Variants in DIP2C observed in about 807,000 individuals in gnomAD.
DIP2C encodes the protein DIP2 acetate--CoA ligase C (putative), also known as disco-interacting protein 2 homolog C.
Under a neutral mutation model 192.4 loss-of-function variants are expected in DIP2C, and 33 were observed. That is an observed-to-expected ratio of 0.17 (90% CI 0.13 to 0.23). The LOEUF is 0.23. Among genes scored for constraint, DIP2C ranks in the 10% least tolerant of loss-of-function variants. The pLI, the probability that DIP2C is intolerant of heterozygous loss-of-function variation, is 1.00. For synonymous variants in DIP2C, 979 were observed against 864.1 expected, an observed-to-expected ratio of 1.13 and a Z score of -2.33; for missense variants, 1,537 against 2,110.1, an observed-to-expected ratio of 0.73 and a Z score of 5.32.
At chr10:677,493 T>C (rs1830916224) in intron 1 of DIP2C, among the ~76,000 whole-genome samples, 1 of 152,182 alleles carries the variant, frequency 6.6e-6, no homozygotes, top group East Asian at 1.9e-4. Flanking sequence ...AGAAAATGTG[T>C]TGAAAGCCTG....
chr10:484,237 T>C (rs1185705659), intron 2 of DIP2C, among the ~76,000 whole-genome samples: 1 of 152,274 alleles, frequency 6.6e-6, no homozygotes, highest in Non-Finnish European at 1.5e-5. Flanking sequence ...ATGAAATTCC[T>C]GTATTCAAAA....
intron 1 of DIP2C, among the ~76,000 whole-genome samples, chr10:577,041 G>A (rs1850207716): frequency 6.6e-6 from 1 of 152,164 alleles, no homozygotes. Flanking sequence ...TTACAATCTT[G>A]TATATCTTTC....
chr10:414,735 G>GTGTATATATATATATATATATATAA (rs1564679862), intron 7 of DIP2C, among the ~76,000 whole-genome samples: 13 of 53,078 alleles, frequency 2.4e-4, no homozygotes, highest in African/African-American at 8.7e-4. Context: ...GTGTGTGTGT[G>GTGTATATATATATATATATATATAA]TGTGTACATA....
Position 651,457 on chromosome 10 carries a change from A to G in DIP2C, c.85+38037T>C, listed in dbSNP as rs145650735. On this transcript the variant is annotated intron_variant, in intron 1 of 36. Transcript: ENST00000280886. The surrounding 1 kb of genome is among the most constrained non-coding windows in gnomAD (Gnocchi z 4.1). Reference sequence around the variant, plus strand: ...AGTCGTTAAGTAAAAATAGCAGAAGACTTAGTAGAATGTATGAGTAACAAT... The same window carrying G: ...AGTCGTTAAGTAAAAATAGCAGAAGGCTTAGTAGAATGTATGAGTAACAAT... The G allele has an allele frequency of 1.7e-5, 11 of 663,312 alleles. No individual in the cohort carries two copies. The highest frequency in any genetic ancestry group is 2.5e-5 in the Non-Finnish European group (9 of 360,596). 41.1% of individuals were successfully genotyped at this position (663,312 alleles called of 1,614,324 possible). A position where few individuals can be genotyped will look rare whatever the true frequency, so the allele number is the denominator to read the frequency against.
At chr10:469,441 G>A (rs999405120) in intron 3 of DIP2C, among the ~76,000 whole-genome samples, 2 of 151,556 alleles carry the variant, frequency 1.3e-5, no homozygotes, top group African/African-American at 4.9e-5. Context: ...CTCAGCCTCT[G>A]GAATAGCTGG....
chr10:379,600 T>C (rs75698248), intron 17 of DIP2C, among the ~76,000 whole-genome samples: 3,484 of 152,316 alleles, frequency 0.023, 135 homozygotes, highest in African/African-American at 0.079. Context: ...AGCTTCTGAT[T>C]TATCTACTTT....
intron 18 of DIP2C, among the ~76,000 whole-genome samples, chr10:367,530 C>T (rs975433084): frequency 1.3e-4 from 20 of 152,274 alleles, no homozygotes; most frequent in African/African-American, 4.6e-4. Flanking sequence ...GAAAGAAGTG[C>T]TGCTGCTTAC....
chr10:522,751 G>C (rs900319057), intron 1 of DIP2C, among the ~76,000 whole-genome samples: 3 of 152,218 alleles, frequency 2.0e-5, no homozygotes, highest in African/African-American at 7.2e-5. Flanking sequence ...TGGGTTTTGA[G>C]AGTTCCTTGC....
intron 2 of DIP2C, among the ~76,000 whole-genome samples, chr10:484,387 C>G (rs1187348963): frequency 1.3e-5 from 2 of 152,250 alleles, no homozygotes; most frequent in South Asian, 4.1e-4. Context: ...CTCCTTCTAG[C>G]AGATCTCAGA....
intron 1 of DIP2C, among the ~76,000 whole-genome samples, chr10:632,205 G>A (rs1396528988): frequency 2.6e-5 from 4 of 152,244 alleles, no homozygotes; most frequent in African/African-American, 9.6e-5. Context: ...CAGTTAAAAG[G>A]AAGAATTCGC....
intron 1 of DIP2C, among the ~76,000 whole-genome samples, chr10:547,273 T>C: frequency 6.6e-6 from 1 of 152,184 alleles, no homozygotes; most frequent in Non-Finnish European, 1.5e-5. Flanking sequence ...GGAGGGCTCC[T>C]GCAGCTCCAG....
chr10:341,054 A>T, intron 29 of DIP2C, 145 bp downstream of exon 29: 2 of 1,140,760 alleles, frequency 1.8e-6, no homozygotes, highest in Admixed American at 3.5e-5. Context: ...CACCAGGAGA[A>T]GTAGAGGGAC....
At chr10:486,961 A>C (rs1225145792) in intron 1 of DIP2C, among the ~76,000 whole-genome samples, 1 of 152,248 alleles carries the variant, frequency 6.6e-6, no homozygotes, top group African/African-American at 2.4e-5. Context: ...TTTCTAACCA[A>C]GCAGGTCGGT....
Position 685,158 on chromosome 10 carries a change from AAAAATATATATATATATATATATATATAC to A in DIP2C, c.85+4307_85+4335del, listed in dbSNP as rs1388940806. Among the ~76,000 whole-genome samples, 112 of 32,664 alleles carry A rather than the reference AAAAATATATATATATATATATATATATAC, an allele frequency of 3.4e-3. No homozygotes were observed. In the Admixed American group the frequency reaches 0.045, roughly 13 times the overall value. 21.4% of individuals were successfully genotyped at this position (32,664 alleles called of 152,430 possible). On this transcript the variant is annotated intron_variant, in intron 1 of 36. Coordinates refer to ENST00000280886, the MANE Select transcript of DIP2C (RefSeq NM_014974.3). ...CCCAAAAAAAAAAAAAAAAAAAAAA[AAAAATATATATATATATATATATATATAC>A]ATATATATATATATATATATAAACA...
chr10:674,172 G>A (rs888093543), intron 1 of DIP2C, among the ~76,000 whole-genome samples: 1 of 151,956 alleles, frequency 6.6e-6, no homozygotes, highest in African/African-American at 2.4e-5. Flanking sequence ...TGGCTGAGTG[G>A]ATTTAAAAAA....
Position 366,370 on chromosome 10 carries a change from A to C in DIP2C, c.2173T>G (p.Cys725Gly). 1 of 1,614,210 alleles carries C rather than the reference A, an allele frequency of 6.2e-7. No homozygotes were observed. Among genetic ancestry groups the C allele is most frequent in the Non-Finnish European group, 8.5e-7 (1 of 1,180,042 alleles). Reference sequence around the variant, plus strand: ...AGCTCCCCGATCTCATCCGTTCTGCACAGCTGAGGAACCCCGTCTGGCTTC... The same window carrying C: ...AGCTCCCCGATCTCATCCGTTCTGCCCAGCTGAGGAACCCCGTCTGGCTTC... ...SVKPDGVPQL[C>G]RTDEIGELCV... The change falls in exon 19 of 37, where the codon TGC (cysteine) becomes GGC (glycine). Residue 725 changes from cysteine (C) to glycine (G), a missense_variant. Physicochemically the swap from Cys to Gly is radical, Grantham distance 159 (BLOSUM62 -3). Coordinates refer to ENST00000280886, the MANE Select transcript of DIP2C (RefSeq NM_014974.3).
chr10:495,173 A>T (rs969302527), intron 1 of DIP2C, among the ~76,000 whole-genome samples: 1 of 152,218 alleles, frequency 6.6e-6, no homozygotes, highest in Middle Eastern at 3.2e-3. Context: ...CATCTTAAAA[A>T]AGTAGAATTT....
At chr10:672,071 C>T (rs1267990395) in intron 1 of DIP2C, among the ~76,000 whole-genome samples, 1 of 142,950 alleles carries the variant, frequency 7.0e-6, no homozygotes, top group African/African-American at 2.6e-5. Context: ...ACGGAGGAAA[C>T]GCCACAGACG....
chr10:417,937 T>A lies in DIP2C; in HGVS notation c.739+1128A>T, dbSNP rs561266323. ...CTGTCCACCTGTTCCTGTCAGGGCT[T>A]CGATAGGCCTCCCTGTCCACCTGCA... On this transcript the variant is annotated intron_variant, in intron 6 of 36. Transcript: ENST00000280886. Among the ~76,000 whole-genome samples the A allele has an allele frequency of 5.6e-4, 15 of 26,764 alleles. 2 individuals are homozygous for A. Among genetic ancestry groups the A allele is most frequent in the African/African-American group, 1.8e-3 (15 of 8,484 alleles). 17.6% of individuals were successfully genotyped at this position (26,764 alleles called of 152,430 possible). A position where few individuals can be genotyped will look rare whatever the true frequency, so the allele number is the denominator to read the frequency against.
Sources: allele counts gnomAD v4.1 joint callset (sites outside exome capture counted in the v4.1 genomes callset), GRCh38; gene constraint gnomAD v4.1.1; non-coding constraint Gnocchi (gnomAD v3.1); transcripts MANE v1.5; gene names NCBI Gene and HGNC (gene_info 2026-07-23, HGNC 2026-07-21).